CSMD1: variants seen among roughly 807,000 people sequenced by gnomAD.
CSMD1 encodes the protein CUB and Sushi multiple domains 1, also known as CUB and sushi domain-containing protein 1.
CSMD1 carries 213 observed loss-of-function variants against 417.5 expected under a neutral mutation model. That is an observed-to-expected ratio of 0.51 (90% CI 0.46 to 0.57). The LOEUF is 0.57. Among genes scored for constraint, CSMD1 ranks in the 20% least tolerant of loss-of-function variants. The pLI is 0.00. For missense variants in CSMD1, 6,923 were observed against 4,529.7 expected, an observed-to-expected ratio of 1.53 and a Z score of -15.17; for synonymous variants, 2,862 against 1,736.8, an observed-to-expected ratio of 1.65 and a Z score of -16.11.
chr8:3,958,527 T>G (rs1253113409), intron 5 of CSMD1, among the ~76,000 whole-genome samples: 1 of 152,170 alleles, frequency 6.6e-6, no homozygotes, highest in African/African-American at 2.4e-5. Context: ...TTCTTCTGGG[T>G]TTAGTTCTAT....
chr8:4,489,389 C>T (rs1355945106), intron 2 of CSMD1, among the ~76,000 whole-genome samples: 2 of 152,096 alleles, frequency 1.3e-5, no homozygotes. Flanking sequence ...ACATGCAATC[C>T]CCACCAAAAC....
intron 5 of CSMD1, among the ~76,000 whole-genome samples, chr8:3,916,018 G>C (rs916373877): frequency 1.3e-5 from 2 of 151,458 alleles, no homozygotes; most frequent in African/African-American, 2.4e-5. Context: ...GTTGGAAAAT[G>C]TCACTGCAGA....
intron 1 of CSMD1, among the ~76,000 whole-genome samples, chr8:4,674,170 G>T (rs557692935): frequency 6.6e-6 from 1 of 152,076 alleles, no homozygotes; most frequent in Non-Finnish European, 1.5e-5. Flanking sequence ...TGGGAAAATC[G>T]ATCTAATGGT....
chr8:4,888,816 G>A (rs571802706), intron 1 of CSMD1, among the ~76,000 whole-genome samples: 19 of 152,192 alleles, frequency 1.2e-4, no homozygotes, highest in Non-Finnish European at 2.4e-4. Flanking sequence ...AGGCCAACTT[G>A]AAGAGACTTC....
In CSMD1 at chr8:3,410,670, G is replaced by C. The variant is rs143057290; in HGVS notation, c.1562-1065C>G. Among the ~76,000 whole-genome samples the C allele has an allele frequency of 8.4e-3, 1,279 of 152,284 alleles. 7 individuals are homozygous for C. The highest frequency in any genetic ancestry group is 0.012 in the Non-Finnish European group (827 of 68,028). On this transcript the variant is annotated intron_variant, in intron 12 of 69. Transcript: ENST00000635120. The stretch of plus-strand genomic sequence containing the variant: ...TTTCTTTTATAAATTGCCCAGTCTT[G>C]GGTATGTCTTTATCAGCAGTGTAAA...
intron 7 of CSMD1, among the ~76,000 whole-genome samples, chr8:3,664,034 T>C (rs190080227): frequency 6.6e-6 from 1 of 152,334 alleles, no homozygotes; most frequent in African/African-American, 2.4e-5. Context: ...ATCTTAAATT[T>C]TGTTATTATT....
At chr8:3,118,655 A>G (rs945710168) in intron 41 of CSMD1, 68 bp from the exon 42 acceptor site, 17 of 1,423,746 alleles carry the variant, frequency 1.2e-5, no homozygotes, top group Non-Finnish European at 1.7e-5. Flanking sequence ...AATTTGCAGG[A>G]GTGTCATCAC....
At chr8:4,316,190 G>C (rs141117256) in intron 3 of CSMD1, among the ~76,000 whole-genome samples, 2 of 152,136 alleles carry the variant, frequency 1.3e-5, no homozygotes, top group South Asian at 2.1e-4. Flanking sequence ...AATTTCAAGA[G>C]AGCAGGACCC....
At chr8:3,234,719 G>T (rs530213693) in intron 26 of CSMD1, among the ~76,000 whole-genome samples, 1 of 152,184 alleles carries the variant, frequency 6.6e-6, no homozygotes, top group Non-Finnish European at 1.5e-5. Flanking sequence ...AGAAAGTCAC[G>T]AAGGTCTCAC....
chr8:4,111,791 C>T (rs1414768271), intron 3 of CSMD1, among the ~76,000 whole-genome samples: 1 of 152,060 alleles, frequency 6.6e-6, no homozygotes, highest in East Asian at 1.9e-4. Context: ...TGAGGGAGAG[C>T]ATCAGGATAA....
In CSMD1 at chr8:3,724,001, G is replaced by A. The variant is rs917720073; in HGVS notation, c.932-15510C>T. ...AAGAAAAATGTCCACTATTATCTAA[G>A]AGGGATATTAAAATACGCCTCTCTT... On this transcript the variant is annotated intron_variant, in intron 6 of 69. Transcript: ENST00000635120. Among the ~76,000 whole-genome samples, 4 of 51,588 alleles carry A rather than the reference G, an allele frequency of 7.8e-5. 1 individual carries two copies. The highest frequency in any genetic ancestry group is 1.4e-4 in the African/African-American group (4 of 28,610). 33.8% of individuals were successfully genotyped at this position (51,588 alleles called of 152,430 possible). A position where few individuals can be genotyped will look rare whatever the true frequency, so the allele number is the denominator to read the frequency against.
intron 2 of CSMD1, among the ~76,000 whole-genome samples, chr8:4,508,542 T>A (rs1356109006): frequency 6.6e-6 from 1 of 152,152 alleles, no homozygotes; most frequent in East Asian, 1.9e-4. Flanking sequence ...CAAGATGAAG[T>A]TTACTGCATA....
At chr8:4,231,189 C>T (rs182923682) in intron 3 of CSMD1, among the ~76,000 whole-genome samples, 25 of 152,228 alleles carry the variant, frequency 1.6e-4, no homozygotes, top group Admixed American at 1.0e-3. Flanking sequence ...ACATCAATTG[C>T]GCATTGAGTC....
intron 3 of CSMD1, among the ~76,000 whole-genome samples, chr8:4,160,910 G>A (rs907315737): frequency 6.6e-6 from 1 of 152,050 alleles, no homozygotes; most frequent in Non-Finnish European, 1.5e-5. Context: ...CTGAACAAGT[G>A]GTTTAATATT....
chr8:3,825,140 G>C (rs1261103382), intron 5 of CSMD1, among the ~76,000 whole-genome samples: 2 of 152,128 alleles, frequency 1.3e-5, no homozygotes, highest in Admixed American at 1.3e-4. Flanking sequence ...GCACAGGGGA[G>C]ATTTCTCATT....
chr8:3,944,383 C>A (rs1161133568), intron 5 of CSMD1, among the ~76,000 whole-genome samples: 1 of 152,100 alleles, frequency 6.6e-6, no homozygotes, highest in African/African-American at 2.4e-5. Context: ...CTCTCTACGA[C>A]TGAATATTGA....
chr8:4,958,037 T>C (rs78471679), intron 1 of CSMD1, among the ~76,000 whole-genome samples: 2 of 152,198 alleles, frequency 1.3e-5, no homozygotes, highest in Non-Finnish European at 2.9e-5. Context: ...GGAGAAAGCA[T>C]CTTTAGCATT....
chr8:3,116,833 G>C (rs906454473), intron 42 of CSMD1, among the ~76,000 whole-genome samples: 1 of 151,770 alleles, frequency 6.6e-6, no homozygotes, highest in Non-Finnish European at 1.5e-5. Context: ...AATAAGAAGA[G>C]GTTTCAATCC....
chr8:4,393,914 C>T (rs1465157953), intron 3 of CSMD1, among the ~76,000 whole-genome samples: 1 of 152,128 alleles, frequency 6.6e-6, no homozygotes, highest in Admixed American at 6.5e-5. Context: ...ATCTTAAATC[C>T]GTTAGCTAGA....
Sources: allele counts gnomAD v4.1 joint callset (sites outside exome capture counted in the v4.1 genomes callset), GRCh38; gene constraint gnomAD v4.1.1; transcripts MANE v1.5; gene names NCBI Gene and HGNC (gene_info 2026-07-23, HGNC 2026-07-21).